The following C8orf89 variants were observed in gnomAD, a reference collection of about 807,000 sequenced individuals.
C8orf89 encodes chromosome 8 open reading frame 89.
C8orf89 carries 14 observed loss-of-function variants against 15.8 expected under a neutral mutation model. The observed-to-expected ratio is 0.89, with a 90% CI of 0.59 to 1.39. The LOEUF (loss-of-function observed/expected upper bound fraction) is 1.39, where lower values mean the gene tolerates loss of function less well. Among genes scored for constraint, C8orf89 ranks in the 40% most tolerant of loss-of-function variants. The pLI is 0.00. For missense variants in C8orf89, 181 were observed against 184.5 expected (o/e 0.98, Z 0.11); for synonymous variants, 55 against 62.2 (o/e 0.88, Z 0.54).
chr8:73,267,641 G>T, the C8orf89 span, among the ~76,000 whole-genome samples: 48 of 152,320 alleles, frequency 3.2e-4, no homozygotes, highest in African/African-American at 1.1e-3. Context: ...AATAAATGGA[G>T]CTTGGCAATT....
At chr8:73,258,509 G>A (rs1379400502) in intron 1 of C8orf89, among the ~76,000 whole-genome samples, 1 of 151,544 alleles carries the variant, frequency 6.6e-6, no homozygotes, top group African/African-American at 2.4e-5. Flanking sequence ...AAGTAAGGGG[G>A]AATAACTATT....
rs1227465635 is a variant in C8orf89, at chr8:73,259,385, A to G, written c.74T>C (p.Ile25Thr). ...TGCTTTCTTCCAACTACTCTCAAAA[A>G]TCAAACAACTGCCAAAGGAACTTCT... ...FTRSSFGSCL[I>T]FESSWKKAVL... is the part of the protein sequence containing the mutation. The change falls in exon 1 of 4, where the codon ATT becomes ACT. Residue 25 changes from isoleucine to threonine, a missense_variant. Ile to Thr is a moderately conservative substitution (Grantham distance 89). Coordinates refer to ENST00000624510, the MANE Select transcript of C8orf89 (RefSeq NM_001243237.3). 1.3e-6 allele frequency: 2 copies of G among 1,530,938 alleles called. No homozygotes were observed. The highest frequency in any genetic ancestry group is 8.8e-7 in the Non-Finnish European group (1 of 1,142,800). 94.8% of individuals were successfully genotyped at this position (1,530,938 alleles called of 1,614,324 possible).
intron 2 of C8orf89, among the ~76,000 whole-genome samples, chr8:73,255,777 C>T (rs1813363274): frequency 6.6e-6 from 1 of 151,144 alleles, no homozygotes; most frequent in Non-Finnish European, 1.5e-5. Context: ...TACTATGCAG[C>T]CATAAAAAAT....
chr8:73,270,589 T>G, the C8orf89 span, among the ~76,000 whole-genome samples: 2 of 152,044 alleles, frequency 1.3e-5, no homozygotes, highest in Non-Finnish European at 2.9e-5. Context: ...AAAGAAGAAA[T>G]ATTAAAATGA....
At chr8:73,279,247 G>A in the C8orf89 span, among the ~76,000 whole-genome samples, 3 of 152,134 alleles carry the variant, frequency 2.0e-5, no homozygotes, top group Non-Finnish European at 2.9e-5. Flanking sequence ...TAGAGAGATC[G>A]ATATCTATAG....
the C8orf89 span, among the ~76,000 whole-genome samples, chr8:73,280,720 C>G: frequency 4.0e-5 from 6 of 149,160 alleles, no homozygotes; most frequent in African/African-American, 1.5e-4. Flanking sequence ...TATATATACA[C>G]ATATATATAC....
At chr8:73,247,736 A>G (rs997895495) in intron 3 of C8orf89, among the ~76,000 whole-genome samples, 1 of 151,918 alleles carries the variant, frequency 6.6e-6, no homozygotes, top group Admixed American at 6.6e-5. Flanking sequence ...GGCTGCATGT[A>G]TGTCTTCTTT....
the C8orf89 span, among the ~76,000 whole-genome samples, chr8:73,265,026 G>A: frequency 6.6e-6 from 1 of 152,046 alleles, no homozygotes; most frequent in Non-Finnish European, 1.5e-5. Flanking sequence ...ATGCTAGTCA[G>A]AATTGTGATG....
At chr8:73,283,485 A>G in the C8orf89 span, among the ~76,000 whole-genome samples, 63 of 152,322 alleles carry the variant, frequency 4.1e-4, no homozygotes, top group Non-Finnish European at 7.1e-4. Context: ...TCTGACTCTC[A>G]TAAGGTGAGG....
chr8:73,282,593 A>G, the C8orf89 span, among the ~76,000 whole-genome samples: 1 of 152,256 alleles, frequency 6.6e-6, no homozygotes, highest in Non-Finnish European at 1.5e-5. Context: ...ACAAATCTGA[A>G]TGCTGGACAA....
chr8:73,276,178 C>CTTT, the C8orf89 span, among the ~76,000 whole-genome samples: 252 of 131,628 alleles, frequency 1.9e-3, 1 homozygote, highest in African/African-American at 5.1e-3. Context: ...ATTTCTGATG[C>CTTT]TTTTTTTTTT....
chr8:73,285,684 C>T, the C8orf89 span, among the ~76,000 whole-genome samples: 1 of 152,226 alleles, frequency 6.6e-6, no homozygotes, highest in Admixed American at 6.5e-5. Context: ...TAGGAGGCTC[C>T]GGCAGCAGGG....
At chr8:73,283,134 T>G in the C8orf89 span, among the ~76,000 whole-genome samples, 1 of 152,040 alleles carries the variant, frequency 6.6e-6, no homozygotes, top group Non-Finnish European at 1.5e-5. Context: ...AAGCCAGAGA[T>G]TTCCTTAAAA....
At chr8:73,241,734 A>G in intron 3 of C8orf89, 129 bp from the exon 4 acceptor site, 1 of 689,220 alleles carries the variant, frequency 1.5e-6, no homozygotes, top group Non-Finnish European at 2.1e-6. Flanking sequence ...TTCTTATACT[A>G]CAGAGCTATA....
the C8orf89 span, among the ~76,000 whole-genome samples, chr8:73,270,023 G>C: frequency 2.0e-5 from 3 of 152,142 alleles, no homozygotes. Flanking sequence ...GGGGAAAGTT[G>C]TTCCTGTTAA....
At chr8:73,265,251 A>C in the C8orf89 span, among the ~76,000 whole-genome samples, 1 of 152,220 alleles carries the variant, frequency 6.6e-6, no homozygotes, top group Non-Finnish European at 1.5e-5. Flanking sequence ...TAAATTACAT[A>C]TGAAGCTAGC....
chr8:73,257,300 G>A (rs1366570270), intron 1 of C8orf89, among the ~76,000 whole-genome samples, 174 bp from the exon 2 acceptor site: 1 of 152,144 alleles, frequency 6.6e-6, no homozygotes, highest in African/African-American at 2.4e-5. Flanking sequence ...TGACTATAGG[G>A]ACTGCAGGAA....
chr8:73,282,492 G>A, the C8orf89 span, among the ~76,000 whole-genome samples: 1 of 152,204 alleles, frequency 6.6e-6, no homozygotes, highest in Admixed American at 6.6e-5. Flanking sequence ...CACAGAGAAT[G>A]TAATGTAAGT....
In C8orf89 at chr8:73,251,862, C is replaced by T. The variant is rs1203779866; in HGVS notation, c.282-1539G>A. Reference sequence around the variant, plus strand: ...ACAAAGTCCATCGGCACAGGCAGCCCTGCACACTCCTACCTCCTCCCCAAA... The same window carrying T: ...ACAAAGTCCATCGGCACAGGCAGCCTTGCACACTCCTACCTCCTCCCCAAA... On this transcript the variant is annotated intron_variant, in intron 2 of 3. Coordinates refer to ENST00000624510, the MANE Select transcript of C8orf89 (RefSeq NM_001243237.3). Among the ~76,000 whole-genome samples, 33 of 152,296 alleles carry T rather than the reference C, an allele frequency of 2.2e-4. 1 individual carries two copies. Among genetic ancestry groups the T allele is most frequent in the Admixed American group, 2.2e-3 (33 of 15,294 alleles).
Sources: allele counts gnomAD v4.1 joint callset (sites outside exome capture counted in the v4.1 genomes callset), GRCh38; gene constraint gnomAD v4.1.1; transcripts MANE v1.5; gene names NCBI Gene and HGNC (gene_info 2026-07-23, HGNC 2026-07-21).